ABI1: variants seen among roughly 807,000 people sequenced by gnomAD.
ABI1 encodes abl interactor 1, also known as Abelson interactor 1.
A neutral mutation model predicts 54.6 loss-of-function variants in ABI1; 14 were observed. The observed-to-expected ratio is 0.26, with a 90% CI of 0.17 to 0.40. The LOEUF (loss-of-function observed/expected upper bound fraction) is 0.40. Among genes scored for constraint, ABI1 ranks in the 10% least tolerant of loss-of-function variants. The probability of loss-of-function intolerance (pLI) is 1.00; values close to 1 mark genes in which losing one functional copy is unlikely to be tolerated. For missense variants in ABI1, 443 were observed against 598.3 expected, an observed-to-expected ratio of 0.74 and a Z score of 2.71; for synonymous variants, 194 against 209.3, an observed-to-expected ratio of 0.93 and a Z score of 0.63.
At chr10:26,803,859 C>T (rs2046713162) in intron 2 of ABI1, among the ~76,000 whole-genome samples, 1 of 152,070 alleles carries the variant, frequency 6.6e-6, no homozygotes, top group Admixed American at 6.6e-5. Context: ...GATAAGGTTC[C>T]TGTCATCATT....
At chr10:26,787,987 AT>A (rs1842916771) in intron 2 of ABI1, among the ~76,000 whole-genome samples, 1 of 152,134 alleles carries the variant, frequency 6.6e-6, no homozygotes. Flanking sequence ...TTTGCTTATG[AT>A]AAGGTTTGGC....
At position 26,777,053 on chromosome 10, in the gene ABI1, T is replaced by C. The variant is rs774568648; in HGVS notation, c.462+12A>G. 6 of 1,562,376 alleles carry C rather than the reference T, an allele frequency of 3.8e-6. No homozygotes were observed. The highest frequency in any genetic ancestry group is 2.1e-5 in the Admixed American group (1 of 47,224). ...TGCAAATTAGCTTGTTAATGTAATATAAAATGCTTACCTTGACACCATGGC... is the reference window on the plus strand; with the variant it reads ...TGCAAATTAGCTTGTTAATGTAATACAAAATGCTTACCTTGACACCATGGC... On this transcript the variant is annotated intron_variant, in intron 3 of 10. Transcript: ENST00000376140.
intron 2 of ABI1, among the ~76,000 whole-genome samples, chr10:26,800,527 C>T (rs2046478813): frequency 6.6e-6 from 1 of 152,104 alleles, no homozygotes; most frequent in South Asian, 2.1e-4. Context: ...CCTATAATTC[C>T]AGTACTTTGG....
chr10:26,843,007 G>A (rs1360684444), intron 1 of ABI1, among the ~76,000 whole-genome samples: 1 of 152,106 alleles, frequency 6.6e-6, no homozygotes, highest in East Asian at 1.9e-4. Context: ...TCTAGCCACT[G>A]CACTCCAGCC....
chr10:26,834,521 T>G (rs1459862810), intron 1 of ABI1, among the ~76,000 whole-genome samples: 1 of 149,212 alleles, frequency 6.7e-6, no homozygotes, highest in Non-Finnish European at 1.5e-5. Flanking sequence ...GCAAAAGATC[T>G]GGACAGATAC....
At position 26,828,817 on chromosome 10, in the gene ABI1, T is replaced by C. The variant is rs545577343; in HGVS notation, c.118-5512A>G. On this transcript the variant is annotated intron_variant, in intron 1 of 10. Coordinates refer to ENST00000376140, the MANE Select transcript of ABI1 (RefSeq NM_001012750.3). ...ACTGTTATTTGCATAGGGTGGGATA[T>C]AGCAAATCATTAATTATGTCACTGA... Among the ~76,000 whole-genome samples, 9 of 152,350 alleles carry C rather than the reference T, an allele frequency of 5.9e-5. No individual in the cohort carries two copies. In the East Asian group the frequency reaches 1.7e-3, roughly 29 times the overall value.
Position 26,777,096 on chromosome 10 carries a change from G to A in ABI1, c.431C>T (p.Thr144Ile). The A allele has an allele frequency of 1.9e-6, 3 of 1,612,194 alleles. No individual in the cohort carries two copies. The highest frequency in any genetic ancestry group is 1.3e-5 in the African/African-American group (1 of 74,906). Residue 144 changes from threonine (T) to isoleucine (I), a missense_variant, in exon 3 of 11, where the codon ACA becomes ATA. This residue lies in a region of ABI1 where 394 missense variants were observed against 484.8 expected (regional missense o/e 0.81). Coordinates refer to ENST00000376140, the MANE Select transcript of ABI1 (RefSeq NM_001012750.3). The part of the protein sequence containing the change: ...VRYIRKPIDY[T>I]VLDDVGHGVK... The stretch of plus-strand genomic sequence containing the variant: ...ACCATGGCCCACATCATCCAGAACT[G>A]TGTAATCGATAGGTTTCCGAATATA...
At chr10:26,793,745 C>T (rs1041083749) in intron 2 of ABI1, among the ~76,000 whole-genome samples, 3 of 152,188 alleles carry the variant, frequency 2.0e-5, no homozygotes, top group African/African-American at 7.2e-5. Flanking sequence ...TTTAATAGAA[C>T]ATTAGATCAC....
At chr10:26,804,215 T>C (rs908355397) in intron 2 of ABI1, among the ~76,000 whole-genome samples, 1 of 151,970 alleles carries the variant, frequency 6.6e-6, no homozygotes, top group African/African-American at 2.4e-5. Flanking sequence ...AAACCCTGTC[T>C]TTACTAAAAC....
chr10:26,835,108 A>AC (rs2048972830), intron 1 of ABI1, among the ~76,000 whole-genome samples: 7 of 145,070 alleles, frequency 4.8e-5, no homozygotes, highest in African/African-American at 1.5e-4. Flanking sequence ...AAAAAAAAAA[A>AC]AAAAAAACCC....
intron 2 of ABI1, among the ~76,000 whole-genome samples, chr10:26,804,337 C>T (rs1468203945): frequency 6.6e-6 from 1 of 151,090 alleles, no homozygotes; most frequent in Non-Finnish European, 1.5e-5. Flanking sequence ...GAGCTTAGAT[C>T]GCACCACTGC....
chr10:26,761,639 T>TAC (rs1340768776), intron 7 of ABI1, among the ~76,000 whole-genome samples: 1 of 114,964 alleles, frequency 8.7e-6, no homozygotes, highest in African/African-American at 3.5e-5. Flanking sequence ...TATATATATA[T>TAC]ATATATATAT....
chr10:26,748,387 AT>A lies in ABI1; in HGVS notation c.*182del, dbSNP rs1837176291. ...TGGACAGCTTCTTGTATAAATTGCTATTCAGCAATACATAAACTGCCTCAAA... is the reference window on the plus strand; with the variant it reads ...TGGACAGCTTCTTGTATAAATTGCTATCAGCAATACATAAACTGCCTCAAA... On this transcript the variant is annotated 3_prime_UTR_variant, in exon 11 of 11. Transcript: ENST00000376140. The A allele has an allele frequency of 2.0e-6, 1 of 498,764 alleles. No individual in the cohort carries two copies. Among genetic ancestry groups the A allele is most frequent in the Admixed American group, 3.4e-5 (1 of 29,326 alleles). 30.9% of individuals were successfully genotyped at this position (498,764 alleles called of 1,614,324 possible).
At chr10:26,780,183 G>A (rs1455651046) in intron 2 of ABI1, among the ~76,000 whole-genome samples, 4 of 152,056 alleles carry the variant, frequency 2.6e-5, no homozygotes, top group South Asian at 4.2e-4. Flanking sequence ...ATAGTTGTTC[G>A]ATCAAGGTGT....
At chr10:26,767,995 G>A (rs139504257) in intron 6 of ABI1, among the ~76,000 whole-genome samples, 121 of 151,884 alleles carry the variant, frequency 8.0e-4, no homozygotes, top group African/African-American at 2.8e-3. Flanking sequence ...GCAGTGAGCC[G>A]AGATCGCGTC....
rs188197021 is a variant in ABI1, at chr10:26,801,757, A to G, written c.285+21381T>C. Among the ~76,000 whole-genome samples, 35 of 151,980 alleles carry G rather than the reference A, an allele frequency of 2.3e-4. No homozygotes were observed. In the East Asian group the frequency reaches 6.0e-3, roughly 26 times the overall value. On this transcript the variant is annotated intron_variant, in intron 2 of 10. Transcript: ENST00000376140. ...CTAATGGCCCTAAATTCTGCATCATACTCCTCCAAAGAGATGATGTGATTA... is the reference window on the plus strand; with the variant it reads ...CTAATGGCCCTAAATTCTGCATCATGCTCCTCCAAAGAGATGATGTGATTA...
intron 1 of ABI1, among the ~76,000 whole-genome samples, chr10:26,829,588 A>G (rs1293637543): frequency 6.6e-6 from 1 of 152,196 alleles, no homozygotes; most frequent in Non-Finnish European, 1.5e-5. Flanking sequence ...CACAATTTTT[A>G]TATGTCAATT....
In ABI1 at chr10:26,759,091, T is replaced by C; in HGVS notation, c.968A>G (p.Asn323Ser). The C allele has an allele frequency of 1.2e-6, 2 of 1,613,894 alleles. No individual in the cohort carries two copies. Among genetic ancestry groups the C allele is most frequent in the Non-Finnish European group, 1.7e-6 (2 of 1,179,932 alleles). Residue 323 changes from asparagine to serine, a missense_variant, in exon 8 of 11, where the codon AAT becomes AGT. Asn to Ser is a conservative substitution (Grantham distance 46, BLOSUM62 1). This residue lies in a region of ABI1 where 394 missense variants were observed against 484.8 expected (regional missense o/e 0.81). Transcript: ENST00000376140. ...TAQFSAQPHV[N>S]GGPLYSQNSI... ...ATTTTGAGAATAAAGTGGACCTCCA[T>C]TAACATGAGGCTGAGCAGAAAATTG...
At chr10:26,821,778 A>C (rs1256803807) in intron 2 of ABI1, among the ~76,000 whole-genome samples, 1 of 151,620 alleles carries the variant, frequency 6.6e-6, no homozygotes, top group Non-Finnish European at 1.5e-5. Context: ...CAGCCTGGGC[A>C]ACAGAGCAAG....
Sources: gnomAD v4.1 joint callset for allele counts (sites outside exome capture counted in the v4.1 genomes callset) on GRCh38, gnomAD v4.1.1 for gene constraint, gnomAD v4.1.1 regional missense constraint, MANE v1.5 for transcripts, NCBI Gene and HGNC (gene_info 2026-07-23, HGNC 2026-07-21) for gene names.